The following CNBD1 variants were observed in gnomAD, a reference collection of about 807,000 sequenced individuals.
CNBD1 encodes cyclic nucleotide binding domain containing 1.
In CNBD1, 71 loss-of-function variants were observed where a neutral mutation model predicts 54.4. That is an observed-to-expected ratio of 1.30 (90% CI 1.08 to 1.59). The LOEUF (loss-of-function observed/expected upper bound fraction) is 1.59, where lower values mean the gene tolerates loss of function less well. CNBD1 is among the 40% of genes most tolerant of loss of function. CNBD1 has a pLI of 0.00. For missense variants in CNBD1, 659 were observed against 518.0 expected, an observed-to-expected ratio of 1.27 and a Z score of -2.64; for synonymous variants, 182 against 170.7, an observed-to-expected ratio of 1.07 and a Z score of -0.51.
chr8:87,419,537 C>T (rs1463568826), intron 2 of CNBD1, among the ~76,000 whole-genome samples: 1 of 151,848 alleles, frequency 6.6e-6, no homozygotes, highest in African/African-American at 2.4e-5. Context: ...CCATAAAACT[C>T]ATTTCAAAAA....
Position 86,936,231 on chromosome 8 carries a change from A to G in CNBD1, c.273-3365A>G, listed in dbSNP as rs77048565. ...AAAAATCCTTAAGATAGCCAACTGA[A>G]AAGGGAGAGCTACGTAATATAGCTT... On this transcript the variant is annotated intron_variant, in intron 3 of 10. Transcript: ENST00000518476. Among the ~76,000 whole-genome samples, 203 of 152,300 alleles carry G rather than the reference A, an allele frequency of 1.3e-3. 3 individuals are homozygous for G. The East Asian group carries it at 0.038, about 29-fold the overall frequency.
At chr8:87,328,317 G>A (rs1279212654) in intron 8 of CNBD1, among the ~76,000 whole-genome samples, 4 of 151,692 alleles carry the variant, frequency 2.6e-5, no homozygotes, top group Admixed American at 1.3e-4. Context: ...TTTTTATTAT[G>A]TTTAGTCTTT....
intron 4 of CNBD1, among the ~76,000 whole-genome samples, chr8:87,193,757 A>C: frequency 6.6e-6 from 1 of 152,200 alleles, no homozygotes; most frequent in East Asian, 1.9e-4. Flanking sequence ...GTGGTCAGAT[A>C]TTCCTTCAAA....
intron 2 of CNBD1, among the ~76,000 whole-genome samples, chr8:87,423,356 T>G (rs1001514652): frequency 6.8e-6 from 1 of 148,054 alleles, no homozygotes; most frequent in Non-Finnish European, 1.5e-5. Context: ...CTTGTGCCAG[T>G]TTTCAAAGGA....
intron 8 of CNBD1, among the ~76,000 whole-genome samples, chr8:87,328,625 G>T (rs190238105): frequency 6.6e-6 from 1 of 151,666 alleles, no homozygotes; most frequent in African/African-American, 2.4e-5. Flanking sequence ...GGATTATTTT[G>T]TCTGTTTATC....
chr8:87,334,070 G>T (rs376804838), intron 8 of CNBD1, among the ~76,000 whole-genome samples: 2 of 152,092 alleles, frequency 1.3e-5, no homozygotes, highest in Non-Finnish European at 2.9e-5. Context: ...CTTGTTATTG[G>T]TGTATTCAGG....
intron 4 of CNBD1, among the ~76,000 whole-genome samples, chr8:86,955,926 AT>A (rs1345575051): frequency 1.3e-5 from 2 of 152,116 alleles, no homozygotes. Flanking sequence ...CCTGAATGGT[AT>A]TGCCTAGGTT....
intron 4 of CNBD1, among the ~76,000 whole-genome samples, chr8:86,983,692 T>C (rs1808540595): frequency 6.6e-6 from 1 of 152,186 alleles, no homozygotes. Flanking sequence ...ATTTTGTACC[T>C]GCTCTAGAGA....
At chr8:87,261,676 G>A (rs1293536200) in intron 6 of CNBD1, among the ~76,000 whole-genome samples, 2 of 152,068 alleles carry the variant, frequency 1.3e-5, no homozygotes, top group East Asian at 1.9e-4. Flanking sequence ...ATGGCCATTG[G>A]GATTGGCCAA....
chr8:87,270,404 C>T (rs1350245096), intron 6 of CNBD1, among the ~76,000 whole-genome samples: 1 of 151,748 alleles, frequency 6.6e-6, no homozygotes, highest in Non-Finnish European at 1.5e-5. Flanking sequence ...AGATCAAAAC[C>T]ACAATGAGAT....
At chr8:87,308,308 A>G (rs1043994214) in intron 8 of CNBD1, among the ~76,000 whole-genome samples, 8 of 152,034 alleles carry the variant, frequency 5.3e-5, no homozygotes, top group South Asian at 2.1e-4. Flanking sequence ...GTCACTTGCA[A>G]TTTTTACCAA....
rs558840236 is a variant in CNBD1 at position 86,887,535 on chromosome 8, T to C, written c.89-7T>C. On this transcript the variant is annotated splice_region_variant and splice_polypyrimidine_tract_variant and intron_variant, in intron 1 of 10. Transcript: ENST00000518476. ...ATTACTCAAATTTTTAATTGATTTT[T>C]TTTCAGACTTGAAAAAGTCTAAGCA... 26 of 1,539,464 alleles carry C rather than the reference T, an allele frequency of 1.7e-5. No individual in the cohort carries two copies. The East Asian group carries it at 5.5e-4, about 32-fold the overall frequency.
At chr8:87,017,850 G>A (rs578143455) in intron 4 of CNBD1, among the ~76,000 whole-genome samples, 2 of 152,184 alleles carry the variant, frequency 1.3e-5, no homozygotes, top group South Asian at 2.1e-4. Context: ...GTCTGCATAA[G>A]TTCAATAATA....
At chr8:87,094,974 G>T (rs543283768) in intron 4 of CNBD1, among the ~76,000 whole-genome samples, 1 of 152,216 alleles carries the variant, frequency 6.6e-6, no homozygotes, top group Admixed American at 6.5e-5. Context: ...GGGAGGCAGA[G>T]GTTGCAATGA....
chr8:87,421,894 G>A (rs1452867603), intron 2 of CNBD1, among the ~76,000 whole-genome samples: 4 of 145,982 alleles, frequency 2.7e-5, no homozygotes, highest in Non-Finnish European at 4.5e-5. Flanking sequence ...CCCACCAACA[G>A]TGTAAAAGTG....
At chr8:87,168,327 G>T (rs1813008995) in intron 4 of CNBD1, among the ~76,000 whole-genome samples, 1 of 151,406 alleles carries the variant, frequency 6.6e-6, no homozygotes, top group Non-Finnish European at 1.5e-5. Flanking sequence ...TGTATTTATG[G>T]GTTAAATGAG....
intron 2 of CNBD1, among the ~76,000 whole-genome samples, chr8:87,402,810 A>G (rs891571713): frequency 6.6e-6 from 1 of 152,116 alleles, no homozygotes; most frequent in African/African-American, 2.4e-5. Flanking sequence ...AAATGTGAAA[A>G]TGAGAGCAGA....
chr8:87,014,699 T>C (rs1809316777), intron 4 of CNBD1, among the ~76,000 whole-genome samples: 1 of 152,022 alleles, frequency 6.6e-6, no homozygotes, highest in Non-Finnish European at 1.5e-5. Flanking sequence ...ATTTGTAATT[T>C]AAAAATTATA....
At chr8:87,194,661 T>C (rs1813677523) in intron 4 of CNBD1, among the ~76,000 whole-genome samples, 1 of 152,218 alleles carries the variant, frequency 6.6e-6, no homozygotes, top group African/African-American at 2.4e-5. Flanking sequence ...AATGTTAATA[T>C]GTGTATCTTT....
Sources: allele counts gnomAD v4.1 joint callset (sites outside exome capture counted in the v4.1 genomes callset), GRCh38; gene constraint gnomAD v4.1.1; transcripts MANE v1.5; gene names NCBI Gene and HGNC (gene_info 2026-07-23, HGNC 2026-07-21).